IFNAR1: variants seen among roughly 807,000 people sequenced by gnomAD.
IFNAR1 encodes the protein interferon alpha and beta receptor subunit 1.
A neutral mutation model predicts 62.1 loss-of-function variants in IFNAR1; 47 were observed. The observed-to-expected ratio is 0.76, with a 90% CI of 0.60 to 0.97. The LOEUF (loss-of-function observed/expected upper bound fraction) is 0.97, where lower values mean the gene tolerates loss of function less well. Among genes scored for constraint, IFNAR1 ranks in the 50% least tolerant of loss-of-function variants. The probability of loss-of-function intolerance (pLI) is 0.00; values close to 1 mark genes in which losing one functional copy is unlikely to be tolerated. For missense variants in IFNAR1, 638 were observed against 654.5 expected, an observed-to-expected ratio of 0.97 and a Z score of 0.27; for synonymous variants, 219 against 226.9, an observed-to-expected ratio of 0.97 and a Z score of 0.31.
chr21:33,355,540 CT>C lies in IFNAR1; in HGVS notation c.1668del (p.Phe556LeufsTer6). ...AAACAAGTGAAGAACTACAGCAGGACTTTGTATGACCAGAAATGAACTGTGT... is the reference window on the plus strand; with the variant it reads ...AAACAAGTGAAGAACTACAGCAGGACTTGTATGACCAGAAATGAACTGTGT... ...SKTSEELQQD[F>X]V On this transcript the variant is annotated frameshift_variant, in exon 11 of 11. Coordinates refer to ENST00000270139, the MANE Select transcript of IFNAR1 (RefSeq NM_000629.3). LOFTEE classifies it high-confidence loss of function. The C allele has an allele frequency of 6.4e-7, 1 of 1,557,074 alleles. No individual in the cohort carries two copies. The highest frequency in any genetic ancestry group is 8.8e-7 in the Non-Finnish European group (1 of 1,142,428).
Position 33,349,505 on chromosome 21 carries a change from T to C in IFNAR1, c.1105T>C (p.Tyr369His). The part of the protein sequence containing the change: ...TPVIQDYPLI[Y>H]EIIFWENTSN... ...TGTGATCCAGGATTATCCACTGATT[T>C]ATGAAATTATTTTTTGGGAAAACAC... Residue 369 changes from tyrosine (Y) to histidine (H), a missense_variant, in exon 8 of 11, where the codon TAT (tyrosine) becomes CAT (histidine). Coordinates refer to ENST00000270139, the MANE Select transcript of IFNAR1 (RefSeq NM_000629.3). The C allele has an allele frequency of 6.2e-7, 1 of 1,611,928 alleles. No homozygotes were observed. The highest frequency in any genetic ancestry group is 1.7e-4 in the Middle Eastern group (1 of 6,056).
At chr21:33,335,223 T>G in intron 1 of IFNAR1, 1 of 458,554 alleles carries the variant, frequency 2.2e-6, no homozygotes, top group Admixed American at 3.5e-5. Context: ...CTCATCGGTG[T>G]CACTTCTAAG....
intron 1 of IFNAR1, among the ~76,000 whole-genome samples, chr21:33,327,249 G>A (rs2083135069): frequency 1.3e-5 from 2 of 152,170 alleles, no homozygotes; most frequent in Admixed American, 6.5e-5. Flanking sequence ...ATATAAAATT[G>A]ACATTCCAGG....
chr21:33,343,970 A>T (rs781033508), intron 5 of IFNAR1, among the ~76,000 whole-genome samples: 11 of 152,224 alleles, frequency 7.2e-5, no homozygotes, highest in Admixed American at 1.3e-4. Flanking sequence ...AGCCTCGCCA[A>T]CATGGGAAAA....
intron 3 of IFNAR1, among the ~76,000 whole-genome samples, 174 bp downstream of exon 3, chr21:33,341,348 T>C (rs1288610396): frequency 6.6e-6 from 1 of 152,238 alleles, no homozygotes; most frequent in Admixed American, 6.5e-5. Context: ...ACTTTCCCTG[T>C]AGTAGTGGTT....
At chr21:33,351,844 C>T (rs182190655) in intron 8 of IFNAR1, among the ~76,000 whole-genome samples, 2 of 152,182 alleles carry the variant, frequency 1.3e-5, no homozygotes, top group Admixed American at 1.3e-4. Context: ...CAGGCTCACA[C>T]CACCATGCCT....
Position 33,343,709 on chromosome 21 carries a change from A to C in IFNAR1, c.673+33A>C, listed in dbSNP as rs753701017. 2.0e-6 allele frequency: 3 copies of C among 1,466,800 alleles called. No homozygotes were observed. In the South Asian group the frequency reaches 3.8e-5, roughly 18 times the overall value. 90.9% of individuals were successfully genotyped at this position (1,466,800 alleles called of 1,614,324 possible). The stretch of plus-strand genomic sequence containing the variant: ...AGATGTTTTGTTTTAGATTCAATAA[A>C]TATATAAACAGATTGTCAATTTTGG... On this transcript the variant is annotated intron_variant, in intron 5 of 10. Coordinates refer to ENST00000270139, the MANE Select transcript of IFNAR1 (RefSeq NM_000629.3).
intron 3 of IFNAR1, among the ~76,000 whole-genome samples, chr21:33,341,701 G>C (rs1012335): frequency 0.38 from 57,687 of 151,262 alleles, 11,104 homozygotes; most frequent in Middle Eastern, 0.46. Flanking sequence ...TTTTTTTTGA[G>C]ACAGAGTTTT....
chr21:33,337,686 CTGTATACATACATATACACACATTG>C (rs371804696), intron 2 of IFNAR1, among the ~76,000 whole-genome samples: 5,302 of 58,512 alleles, frequency 0.091, 145 homozygotes, highest in Non-Finnish European at 0.13. Flanking sequence ...ATAATACATA[CTGTATACATACATATACACACATTG>C]TGTATACATA....
intron 8 of IFNAR1, among the ~76,000 whole-genome samples, chr21:33,350,281 A>G (rs1178233337): frequency 6.6e-6 from 1 of 150,648 alleles, no homozygotes; most frequent in East Asian, 1.9e-4. Context: ...ACAACCAAAA[A>G]CATCTTCAGA....
Position 33,358,112 on chromosome 21 carries a change from G to C in IFNAR1, c.*2563G>C, listed in dbSNP as rs934986515. On this transcript the variant is annotated 3_prime_UTR_variant, in exon 11 of 11. Transcript: ENST00000270139. Reference sequence around the variant, plus strand: ...GGTCTCTAGGAAGTTGGAGCACAAGGCTTCACGCTTTAAGACCATCTGTGG... The same window carrying C: ...GGTCTCTAGGAAGTTGGAGCACAAGCCTTCACGCTTTAAGACCATCTGTGG... 1 of 152,212 alleles carries C rather than the reference G, an allele frequency of 6.6e-6. No homozygotes were observed. Among genetic ancestry groups the C allele is most frequent in the Non-Finnish European group, 1.5e-5 (1 of 68,046 alleles). The allele number at this position is 152,212 out of a possible 1,614,324, so 9.4% of individuals were successfully genotyped here.
rs1003714465 is a variant in IFNAR1, at chr21:33,357,342, A to T, written c.*1793A>T. ...TCGGGAGGGCTGTGATGCTCGGCAC[A>T]TCCTGCCTGGCACATACACGTGTCT... is the stretch of plus-strand genomic sequence containing the variant. On this transcript the variant is annotated 3_prime_UTR_variant, in exon 11 of 11. Coordinates refer to ENST00000270139, the MANE Select transcript of IFNAR1 (RefSeq NM_000629.3). 6.6e-6 allele frequency: 1 copy of T among 152,198 alleles called. No homozygotes were observed. Among genetic ancestry groups the T allele is most frequent in the Non-Finnish European group, 1.5e-5 (1 of 68,086 alleles). The allele number at this position is 152,198 out of a possible 1,614,324, so 9.4% of individuals were successfully genotyped here.
At chr21:33,342,781 C>T (rs954159518) in intron 3 of IFNAR1, among the ~76,000 whole-genome samples, 1 of 151,240 alleles carries the variant, frequency 6.6e-6, no homozygotes, top group South Asian at 2.1e-4. Flanking sequence ...GACATGAACC[C>T]GGGAGGCGGA....
chr21:33,335,009 C>T, intron 1 of IFNAR1: 1 of 1,502,516 alleles, frequency 6.7e-7, no homozygotes, highest in South Asian at 1.1e-5. Context: ...GTGACTCTTC[C>T]TGGCACTGGT....
At position 33,345,321 on chromosome 21, in the gene IFNAR1, A is replaced by G; in HGVS notation, c.749A>G (p.Tyr250Cys). 2 of 1,604,006 alleles carry G rather than the reference A, an allele frequency of 1.2e-6. No individual in the cohort carries two copies. The highest frequency in any genetic ancestry group is 1.7e-6 in the Non-Finnish European group (2 of 1,171,158). The change falls in exon 6 of 11, where the codon TAT (tyrosine) becomes TGT (cysteine). Residue 250 changes from tyrosine (Y) to cysteine (C), a missense_variant. Transcript: ENST00000270139. Reference protein sequence around the residue: ...QNQNYVLKWDYTYANMTFQVQ... With the variant: ...QNQNYVLKWDCTYANMTFQVQ... Reference sequence around the variant, plus strand: ...CAGAACTATGTTCTTAAATGGGATTATACATATGCAAACATGACCTTTCAA... The same window carrying G: ...CAGAACTATGTTCTTAAATGGGATTGTACATATGCAAACATGACCTTTCAA...
At position 33,325,025 on chromosome 21, in the gene IFNAR1, T is replaced by C; in HGVS notation, c.-31T>C. On this transcript the variant is annotated 5_prime_UTR_variant, in exon 1 of 11. An upstream start codon of the reference 5' UTR is lost. Coordinates refer to ENST00000270139, the MANE Select transcript of IFNAR1 (RefSeq NM_000629.3). ...GAGAGGAGCTGCGCGTGCGCGAACA[T>C]GTAACTGGTGGGATCTGCGGCGGCT... is the stretch of plus-strand genomic sequence containing the variant. The C allele has an allele frequency of 1.9e-6, 3 of 1,569,660 alleles. No individual in the cohort carries two copies. Among genetic ancestry groups the C allele is most frequent in the Non-Finnish European group, 2.6e-6 (3 of 1,156,808 alleles).
chr21:33,337,367 T>A (rs961759046), intron 2 of IFNAR1, among the ~76,000 whole-genome samples: 1 of 152,036 alleles, frequency 6.6e-6, no homozygotes, highest in African/African-American at 2.4e-5. Context: ...GAAGGAGGAA[T>A]ATAGAAGGGA....
chr21:33,325,175 G>A (rs1227055583), intron 1 of IFNAR1, 44 bp downstream of exon 1: 1 of 1,536,850 alleles, frequency 6.5e-7, no homozygotes, highest in Non-Finnish European at 8.9e-7. Flanking sequence ...CGGGAGGTAG[G>A]GCACGCAGCT....
chr21:33,352,094 G>T (rs1438301181), intron 8 of IFNAR1, among the ~76,000 whole-genome samples: 1 of 152,070 alleles, frequency 6.6e-6, no homozygotes, highest in East Asian at 1.9e-4. Flanking sequence ...AATAATGCTT[G>T]CAAGACCACA....
Sources: gnomAD v4.1 joint callset for allele counts (sites outside exome capture counted in the v4.1 genomes callset) on GRCh38, gnomAD v4.1.1 for gene constraint, MANE v1.5 for transcripts, NCBI Gene and HGNC (gene_info 2026-07-23, HGNC 2026-07-21) for gene names.